Variants in ANKDD1B observed in about 807,000 individuals in gnomAD.
The protein encoded by ANKDD1B is ankyrin repeat and death domain containing 1B.
ANKDD1B carries 57 observed loss-of-function variants against 59.7 expected under a neutral mutation model. That is an observed-to-expected ratio of 0.95 (90% CI 0.77 to 1.19). ANKDD1B has a LOEUF of 1.19. Ranked by LOEUF, ANKDD1B falls within the 50% of genes most tolerant of loss-of-function variation. The probability of loss-of-function intolerance (pLI) is 0.00; values close to 1 mark genes in which losing one functional copy is unlikely to be tolerated. For missense variants in ANKDD1B, 602 were observed against 641.9 expected (o/e 0.94, Z 0.67); for synonymous variants, 216 against 239.5 (o/e 0.90, Z 0.91).
intron 7 of ANKDD1B, among the ~76,000 whole-genome samples, chr5:75,651,493 C>T (rs897132849): frequency 2.0e-5 from 3 of 152,104 alleles, no homozygotes; most frequent in Non-Finnish European, 4.4e-5. Flanking sequence ...GAAGGAGAGG[C>T]GCTGAAAGGG....
At chr5:75,669,438 A>C in intron 13 of ANKDD1B, 55 bp downstream of exon 13, 1 of 1,226,124 alleles carries the variant, frequency 8.2e-7, no homozygotes, top group Non-Finnish European at 1.0e-6. Flanking sequence ...TTCAGGAAGC[A>C]GTCTACAGAA....
chr5:75,634,443 T>C lies in ANKDD1B; in HGVS notation c.601-455T>C, dbSNP rs76961577. ...AGGAGAAGCAGTTAATCAAATGTCATGTCTGAATGAGCCACATAAATAATA... is the reference window on the plus strand; with the variant it reads ...AGGAGAAGCAGTTAATCAAATGTCACGTCTGAATGAGCCACATAAATAATA... On this transcript the variant is annotated intron_variant, in intron 5 of 13. Transcript: ENST00000601380. Among the ~76,000 whole-genome samples the C allele has an allele frequency of 1.1e-3, 169 of 152,346 alleles. 1 individual carries two copies. In the East Asian group the frequency reaches 0.028, roughly 26 times the overall value.
At chr5:75,641,162 C>T (rs1774450387) in intron 7 of ANKDD1B, among the ~76,000 whole-genome samples, 1 of 152,112 alleles carries the variant, frequency 6.6e-6, no homozygotes, top group South Asian at 2.1e-4. Flanking sequence ...ACCTTTGAAA[C>T]TTTTGAGACT....
chr5:75,627,377 G>A (rs755810287), intron 5 of ANKDD1B, among the ~76,000 whole-genome samples: 4 of 152,022 alleles, frequency 2.6e-5, no homozygotes, highest in Non-Finnish European at 4.4e-5. Flanking sequence ...ATGCAAATGC[G>A]CTTCGTGGTA....
chr5:75,639,025 T>C (rs895588680), intron 7 of ANKDD1B, among the ~76,000 whole-genome samples: 1 of 152,228 alleles, frequency 6.6e-6, no homozygotes, highest in Non-Finnish European at 1.5e-5. Flanking sequence ...AAGTAGATTG[T>C]AGGGTCCAAG....
intron 1 of ANKDD1B, among the ~76,000 whole-genome samples, chr5:75,612,654 T>C (rs956730676): frequency 6.6e-6 from 1 of 152,168 alleles, no homozygotes; most frequent in African/African-American, 2.4e-5. Flanking sequence ...ACAACCCCTG[T>C]TCTGGTGGAA....
chr5:75,637,362 G>A (rs1466138073), intron 7 of ANKDD1B, among the ~76,000 whole-genome samples: 1 of 151,388 alleles, frequency 6.6e-6, no homozygotes, highest in African/African-American at 2.4e-5. Context: ...GCCCTGGATG[G>A]TCACTTCTCA....
At chr5:75,614,630 G>A (rs938109803) in intron 1 of ANKDD1B, among the ~76,000 whole-genome samples, 3 of 152,134 alleles carry the variant, frequency 2.0e-5, no homozygotes, top group Non-Finnish European at 4.4e-5. Flanking sequence ...GACCTAGAGG[G>A]TGACACAGGC....
intron 7 of ANKDD1B, among the ~76,000 whole-genome samples, chr5:75,637,270 A>AAAAAAAAAAAAAAG (rs1561439319): frequency 7.0e-6 from 1 of 141,892 alleles, no homozygotes; most frequent in African/African-American, 2.8e-5. Context: ...AAAAAAAAAA[A>AAAAAAAAAAAAAAG]AAAGAAAGAA....
intron 9 of ANKDD1B, among the ~76,000 whole-genome samples, chr5:75,658,046 TAAA>T (rs775615583): frequency 1.5e-5 from 2 of 136,136 alleles, no homozygotes; most frequent in Non-Finnish European, 1.6e-5. Context: ...GCCTCATCGC[TAAA>T]AAAAAAAAAA....
intron 7 of ANKDD1B, among the ~76,000 whole-genome samples, chr5:75,638,069 C>T (rs929367075): frequency 1.3e-5 from 2 of 152,198 alleles, no homozygotes; most frequent in African/African-American, 2.4e-5. Context: ...TAAGTTTCAA[C>T]ATGAATTTTT....
chr5:75,659,333 G>T lies in ANKDD1B; in HGVS notation c.1047G>T (p.Leu349=). Residue 349 remains leucine, a synonymous_variant, in exon 10 of 14, where the codon CTG becomes CTT. Coordinates refer to ENST00000601380, the MANE Select transcript of ANKDD1B (RefSeq NM_001276713.2). ...CTGCTGATCGTGGAAATGTGGAACT[G>T]GTGGAAACCCTGCTGAAGGCAGGCT... ...HVAADRGNVE[L]VETLLKAGCD... 1 of 1,536,118 alleles carries T rather than the reference G, an allele frequency of 6.5e-7. No individual in the cohort carries two copies. Among genetic ancestry groups the T allele is most frequent in the Non-Finnish European group, 8.7e-7 (1 of 1,146,896 alleles).
At chr5:75,665,702 C>T (rs768106792) in intron 11 of ANKDD1B, among the ~76,000 whole-genome samples, 38 of 152,144 alleles carry the variant, frequency 2.5e-4, no homozygotes, top group Non-Finnish European at 3.1e-4. Context: ...CCAAGCTTCC[C>T]GGGAGGAGCT....
At chr5:75,636,974 C>T (rs1010216126) in intron 7 of ANKDD1B, among the ~76,000 whole-genome samples, 3 of 151,760 alleles carry the variant, frequency 2.0e-5, no homozygotes, top group Admixed American at 6.6e-5. Context: ...GAGCCGGGTG[C>T]GCTGGCTCAC....
intron 12 of ANKDD1B, among the ~76,000 whole-genome samples, chr5:75,667,994 C>G (rs1775356381): frequency 6.6e-6 from 1 of 152,172 alleles, no homozygotes; most frequent in Admixed American, 6.5e-5. Context: ...TAGTTTCTAA[C>G]TAGAAAAATT....
intron 2 of ANKDD1B, among the ~76,000 whole-genome samples, chr5:75,617,899 G>A (rs1014043236): frequency 1.3e-5 from 2 of 152,084 alleles, no homozygotes; most frequent in African/African-American, 2.4e-5. Context: ...CATGTCCCAC[G>A]TGCAGTGGAA....
At chr5:75,635,750 A>G (rs1289582644) in intron 6 of ANKDD1B, 34 bp from the exon 7 acceptor site, 2 of 1,367,736 alleles carry the variant, frequency 1.5e-6, no homozygotes, top group Non-Finnish European at 2.0e-6. Context: ...CTCCTGGCAC[A>G]GGGGTTTCTA....
chr5:75,637,970 A>G (rs1774361675), intron 7 of ANKDD1B, among the ~76,000 whole-genome samples: 2 of 152,206 alleles, frequency 1.3e-5, no homozygotes, highest in African/African-American at 4.8e-5. Flanking sequence ...TCAAACAACG[A>G]CAATTATACC....
intron 11 of ANKDD1B, 122 bp from the exon 12 acceptor site, chr5:75,666,670 G>A: frequency 1.5e-6 from 1 of 660,654 alleles, no homozygotes; most frequent in Non-Finnish European, 2.6e-6. Flanking sequence ...GTGACAGGAG[G>A]CATTGAAAAC....
Sources: gnomAD v4.1 joint callset for allele counts (sites outside exome capture counted in the v4.1 genomes callset) on GRCh38, gnomAD v4.1.1 for gene constraint, MANE v1.5 for transcripts, NCBI Gene and HGNC (gene_info 2026-07-23, HGNC 2026-07-21) for gene names.